Variants in CDH18 observed in about 807,000 individuals in gnomAD.
CDH18 encodes the protein cadherin-18.
In CDH18, 31 loss-of-function variants were observed where a neutral mutation model predicts 67.9. The observed-to-expected ratio is 0.46, with a 90% CI of 0.34 to 0.62. The LOEUF is 0.62. Ranked by LOEUF, CDH18 falls within the 20% of genes least tolerant of loss-of-function variation. The probability of loss-of-function intolerance (pLI) is 0.01; values close to 1 mark genes in which losing one functional copy is unlikely to be tolerated. For missense variants in CDH18, 890 were observed against 975.5 expected, an observed-to-expected ratio of 0.91 and a Z score of 1.17; for synonymous variants, 362 against 347.2, an observed-to-expected ratio of 1.04 and a Z score of -0.48.
chr5:20,354,439 G>A (rs1183805224), intron 1 of CDH18, among the ~76,000 whole-genome samples: 1 of 152,088 alleles, frequency 6.6e-6, no homozygotes, highest in Non-Finnish European at 1.5e-5. Flanking sequence ...TTTAGGGACA[G>A]GGTCTTCCTC....
chr5:20,222,499 G>C (rs1256345015), intron 2 of CDH18, among the ~76,000 whole-genome samples: 1 of 152,110 alleles, frequency 6.6e-6, no homozygotes. Context: ...CCACAACAAT[G>C]TGGCTTCTAG....
chr5:20,486,746 T>C (rs975757168), intron 1 of CDH18, among the ~76,000 whole-genome samples: 2 of 151,452 alleles, frequency 1.3e-5, no homozygotes, highest in African/African-American at 4.8e-5. Flanking sequence ...GTGTACTCCA[T>C]TGAAATTAAA....
intron 1 of CDH18, among the ~76,000 whole-genome samples, chr5:20,433,991 T>C (rs1331727184): frequency 1.3e-5 from 2 of 152,040 alleles, no homozygotes; most frequent in Non-Finnish European, 1.5e-5. Context: ...ATTCAAACCA[T>C]TGAGTTCAAC....
At chr5:19,778,722 A>G (rs1774703162) in intron 3 of CDH18, among the ~76,000 whole-genome samples, 1 of 152,154 alleles carries the variant, frequency 6.6e-6, no homozygotes, top group Non-Finnish European at 1.5e-5. Flanking sequence ...CCCAAAAAAT[A>G]CAGTGGACAC....
Position 20,046,776 on chromosome 5 carries a change from G to C in CDH18, c.-517-54762C>G, listed in dbSNP as rs556235768. Among the ~76,000 whole-genome samples the C allele has an allele frequency of 5.3e-5, 8 of 151,654 alleles. No individual in the cohort carries two copies. The East Asian group carries it at 1.6e-3, about 29-fold the overall frequency. On this transcript the variant is annotated intron_variant, in intron 2 of 14. Coordinates refer to the CDH18 transcript ENST00000507958. ...AGTAATAATGAAGGACTGAATGTTG[G>C]ATTTCACAGCGCTTTTCGAGAGCTG...
At chr5:19,789,442 A>G (rs1776139555) in intron 3 of CDH18, among the ~76,000 whole-genome samples, 1 of 152,202 alleles carries the variant, frequency 6.6e-6, no homozygotes, top group South Asian at 2.1e-4. Flanking sequence ...AATAACTCAA[A>G]TTTATAATTT....
intron 5 of CDH18, 21 bp downstream of exon 5, chr5:19,721,326 G>C: frequency 6.4e-7 from 1 of 1,559,558 alleles, no homozygotes; most frequent in African/African-American, 1.3e-5. Context: ...TTGCATGCGA[G>C]TTATGTGTAA....
At chr5:19,547,980 T>C (rs1334809817) in intron 8 of CDH18, among the ~76,000 whole-genome samples, 1 of 152,182 alleles carries the variant, frequency 6.6e-6, no homozygotes, top group Non-Finnish European at 1.5e-5. Flanking sequence ...AGATTAAATG[T>C]AGAATCATTC....
At chr5:20,437,292 A>G (rs2150184716) in intron 1 of CDH18, among the ~76,000 whole-genome samples, 1 of 151,424 alleles carries the variant, frequency 6.6e-6, no homozygotes, top group Admixed American at 6.6e-5. Flanking sequence ...AGAACCATTA[A>G]TTCTTAATTA....
intron 2 of CDH18, among the ~76,000 whole-genome samples, chr5:19,920,026 G>C (rs1792257008): frequency 6.6e-6 from 1 of 152,070 alleles, no homozygotes; most frequent in Non-Finnish European, 1.5e-5. Context: ...TATATTAATA[G>C]ATCACTTTAT....
intron 2 of CDH18, among the ~76,000 whole-genome samples, chr5:20,019,428 C>A (rs572232243): frequency 6.6e-6 from 1 of 152,018 alleles, no homozygotes; most frequent in Admixed American, 6.5e-5. Flanking sequence ...CAAATTGTAA[C>A]CCCCCAATGT....
intron 6 of CDH18, among the ~76,000 whole-genome samples, chr5:19,593,699 C>CT (rs1343410826): frequency 2.4e-5 from 1 of 42,498 alleles, no homozygotes; most frequent in Non-Finnish European, 4.6e-5. Flanking sequence ...CTTCCTCTTC[C>CT]TCCTCCTCCT....
intron 11 of CDH18, among the ~76,000 whole-genome samples, chr5:19,499,090 A>C (rs920637008): frequency 4.6e-5 from 7 of 152,212 alleles, no homozygotes; most frequent in Admixed American, 4.6e-4. Context: ...ACGTTGGTTG[A>C]ATGAATACAT....
chr5:20,318,476 G>A (rs899689141), intron 1 of CDH18, among the ~76,000 whole-genome samples: 1 of 152,132 alleles, frequency 6.6e-6, no homozygotes, highest in African/African-American at 2.4e-5. Context: ...GAGGTGATGG[G>A]ATCCTGGGGG....
In CDH18 at chr5:20,521,962, T is replaced by C. The variant is rs937763228; in HGVS notation, c.-580+53500A>G. On this transcript the variant is annotated intron_variant, in intron 1 of 14. Transcript: ENST00000507958. ...TTCTGTGAACAATTAGGATGTATTATGGGGTACCTCAATATGTAATCGTGT... is the reference window on the plus strand; with the variant it reads ...TTCTGTGAACAATTAGGATGTATTACGGGGTACCTCAATATGTAATCGTGT... Among the ~76,000 whole-genome samples the C allele has an allele frequency of 2.6e-5, 4 of 152,334 alleles. No homozygotes were observed. The East Asian group carries it at 7.7e-4, about 29-fold the overall frequency.
At chr5:20,368,304 A>G (rs1270742844) in intron 1 of CDH18, among the ~76,000 whole-genome samples, 1 of 152,202 alleles carries the variant, frequency 6.6e-6, no homozygotes, top group African/African-American at 2.4e-5. Flanking sequence ...AGACTATTTT[A>G]TTTAATATGA....
chr5:20,305,357 C>T (rs1024390886), intron 1 of CDH18: 1 of 1,571,218 alleles, frequency 6.4e-7, no homozygotes, highest in Non-Finnish European at 8.8e-7. Context: ...TTCAAGACTT[C>T]CTCACTGGCC....
intron 1 of CDH18, among the ~76,000 whole-genome samples, chr5:20,258,360 C>A (rs1456126243): frequency 6.6e-6 from 1 of 152,106 alleles, no homozygotes; most frequent in Non-Finnish European, 1.5e-5. Flanking sequence ...GTAACTATTT[C>A]TTCATCCAAT....
At chr5:20,167,024 A>G (rs1705406642) in intron 2 of CDH18, among the ~76,000 whole-genome samples, 1 of 152,184 alleles carries the variant, frequency 6.6e-6, no homozygotes, top group African/African-American at 2.4e-5. Context: ...AGCTTATTTT[A>G]TGTTTCTTGA....
Sources: gnomAD v4.1 joint callset for allele counts (sites outside exome capture counted in the v4.1 genomes callset) on GRCh38, gnomAD v4.1.1 for gene constraint, MANE v1.5 for transcripts, NCBI Gene and HGNC (gene_info 2026-07-23, HGNC 2026-07-21) for gene names.